JARID2: variants seen among roughly 807,000 people sequenced by gnomAD.
JARID2 encodes the protein jumonji and AT-rich interaction domain containing 2, also known as protein Jumonji.
In JARID2, 21 loss-of-function variants were observed where a neutral mutation model predicts 125.6. The ratio of observed to expected loss-of-function variants is 0.17; its 90% CI spans 0.12 to 0.24. The LOEUF is 0.24. JARID2 is among the 10% of genes least tolerant of loss of function. JARID2 has a pLI of 1.00. For missense variants in JARID2, 1,303 were observed against 1,639.6 expected (o/e 0.79, Z 3.55); for synonymous variants, 736 against 661.6 (o/e 1.11, Z -1.73).
chr6:15,449,012 G>C (rs1391935547), intron 3 of JARID2, among the ~76,000 whole-genome samples: 1 of 151,854 alleles, frequency 6.6e-6, no homozygotes, highest in Non-Finnish European at 1.5e-5. Flanking sequence ...AATTTAAAAG[G>C]GGAAAAACAA....
chr6:15,289,614 T>C (rs1761131721), intron 1 of JARID2, among the ~76,000 whole-genome samples: 1 of 151,938 alleles, frequency 6.6e-6, no homozygotes, highest in African/African-American at 2.4e-5. Context: ...CCCAGCACTT[T>C]GGGAGGATGA....
intron 8 of JARID2, among the ~76,000 whole-genome samples, chr6:15,504,087 C>T (rs972702649): frequency 5.9e-5 from 9 of 152,218 alleles, no homozygotes; most frequent in Non-Finnish European, 1.0e-4. Flanking sequence ...TCCCTGGTCA[C>T]GAGTTCCATC....
At chr6:15,302,406 C>G (rs1450297157) in intron 1 of JARID2, among the ~76,000 whole-genome samples, 2 of 150,858 alleles carry the variant, frequency 1.3e-5, no homozygotes, top group African/African-American at 4.9e-5. Context: ...CAGAGCGAGA[C>G]TCTGTCTTGG....
intron 1 of JARID2, among the ~76,000 whole-genome samples, chr6:15,275,397 A>C (rs942863481): frequency 3.3e-5 from 5 of 151,928 alleles, no homozygotes; most frequent in Admixed American, 1.3e-4. Flanking sequence ...AGATACTGAT[A>C]CCGGTTAATT....
At chr6:15,359,316 C>G (rs1763709791) in intron 1 of JARID2, among the ~76,000 whole-genome samples, 1 of 152,166 alleles carries the variant, frequency 6.6e-6, no homozygotes, top group Admixed American at 6.5e-5. Flanking sequence ...CTTTACTGTC[C>G]CAACAGCTTT....
intron 2 of JARID2, among the ~76,000 whole-genome samples, chr6:15,402,199 A>G (rs920580661): frequency 1.3e-5 from 2 of 152,206 alleles, no homozygotes; most frequent in African/African-American, 4.8e-5. Context: ...AGCTTTGCCC[A>G]TTTATCATTA....
At chr6:15,510,770 C>G (rs1581666195) in intron 12 of JARID2, among the ~76,000 whole-genome samples, 1 of 152,342 alleles carries the variant, frequency 6.6e-6, no homozygotes, top group East Asian at 1.9e-4. Context: ...GGCACATGTG[C>G]ATGAGCCTGG....
intron 1 of JARID2, among the ~76,000 whole-genome samples, chr6:15,298,173 G>GTT (rs1761481903): frequency 1.3e-5 from 2 of 152,186 alleles, no homozygotes; most frequent in Admixed American, 1.3e-4. Flanking sequence ...TTGAATTGTA[G>GTT]TTTAAGTCAT....
chr6:15,460,385 C>T (rs554051677), intron 4 of JARID2, among the ~76,000 whole-genome samples: 24 of 152,304 alleles, frequency 1.6e-4, no homozygotes, highest in African/African-American at 5.3e-4. Flanking sequence ...AGTACTGGCA[C>T]AGATTCAGTA....
intron 1 of JARID2, among the ~76,000 whole-genome samples, chr6:15,255,025 CAAA>C (rs539161155): frequency 1.4e-5 from 2 of 141,570 alleles, no homozygotes; most frequent in Non-Finnish European, 3.1e-5. Flanking sequence ...AAACAAAAAA[CAAA>C]AAAAAAACAC....
At position 15,474,696 on chromosome 6, in the gene JARID2, A is replaced by G. The variant is rs1308072136; in HGVS notation, c.670+5978A>G. On this transcript the variant is annotated intron_variant, in intron 5 of 17. Transcript: ENST00000341776. ...AATGGTGGATGCCAGCCATTGTTAT[A>G]TGTTCAAGGAAAATGACATTTCCAA... Among the ~76,000 whole-genome samples, 4 of 152,344 alleles carry G rather than the reference A, an allele frequency of 2.6e-5. No homozygotes were observed. In the East Asian group the frequency reaches 7.7e-4, roughly 29 times the overall value.
chr6:15,392,073 TGTGTGC>T (rs879275681), intron 2 of JARID2, among the ~76,000 whole-genome samples: 4,612 of 54,134 alleles, frequency 0.085, 84 homozygotes, highest in East Asian at 0.13. Flanking sequence ...TGTGTGTGTG[TGTGTGC>T]GTGTCTGGAG....
chr6:15,439,446 TAGTG>T (rs1253995312), intron 3 of JARID2, among the ~76,000 whole-genome samples: 24 of 152,306 alleles, frequency 1.6e-4, no homozygotes, highest in South Asian at 6.2e-4. Flanking sequence ...AATGAACAGA[TAGTG>T]AGGCTTTGTG....
intron 6 of JARID2, among the ~76,000 whole-genome samples, chr6:15,494,702 TC>T (rs1244775331): frequency 2.0e-5 from 3 of 152,210 alleles, no homozygotes; most frequent in Admixed American, 2.0e-4. Flanking sequence ...TTGGGAAGTT[TC>T]ATTCCATGCC....
At chr6:15,424,819 A>T (rs1236046093) in intron 3 of JARID2, among the ~76,000 whole-genome samples, 1 of 152,194 alleles carries the variant, frequency 6.6e-6, no homozygotes, top group Non-Finnish European at 1.5e-5. Flanking sequence ...AGATCGTGCC[A>T]TTGCACTCCA....
Position 15,520,151 on chromosome 6 carries a change from C to G in JARID2, c.3641C>G (p.Pro1214Arg), listed in dbSNP as rs200753446. The G allele has an allele frequency of 7.1e-5, 114 of 1,613,844 alleles. No homozygotes were observed. Among genetic ancestry groups the G allele is most frequent in the Non-Finnish European group, 9.2e-5 (108 of 1,179,940 alleles). Residue 1214 changes from proline (P) to arginine (R), a missense_variant, in exon 18 of 18, where the codon CCC becomes CGC. Around this residue, in one of 11 missense-constraint regions of JARID2, gnomAD observed 75 missense variants for 66.0 expected, o/e 1.14. Transcript: ENST00000341776. ...AGCATTGAGAACTGTCTCAGTAAAC[C>G]CACACCAAAAAGAGGTCCCCGCAAG... ...NGSIENCLSK[P>R]TPKRGPRKRA...
chr6:15,314,640 G>T (rs1027403486), intron 1 of JARID2, among the ~76,000 whole-genome samples: 1 of 152,182 alleles, frequency 6.6e-6, no homozygotes, highest in Non-Finnish European at 1.5e-5. Context: ...TGGAGATACA[G>T]TTGAGGCCTC....
At chr6:15,251,534 A>G (rs1165071842) in intron 1 of JARID2, among the ~76,000 whole-genome samples, 4 of 152,198 alleles carry the variant, frequency 2.6e-5, no homozygotes, top group Non-Finnish European at 4.4e-5. Flanking sequence ...CTGATATCCC[A>G]GGATACAGGT....
chr6:15,258,322 A>C (rs113017060), intron 1 of JARID2, among the ~76,000 whole-genome samples: 3,189 of 152,284 alleles, frequency 0.021, 108 homozygotes, highest in African/African-American at 0.073. Flanking sequence ...CTTTGGAGTC[A>C]GTCTGAAGTT....
Sources: allele counts gnomAD v4.1 joint callset (sites outside exome capture counted in the v4.1 genomes callset), GRCh38; gene constraint gnomAD v4.1.1; regional missense constraint gnomAD v4.1.1; transcripts MANE v1.5; gene names NCBI Gene and HGNC (gene_info 2026-07-23, HGNC 2026-07-21).